PTPRK: variants seen among roughly 807,000 people sequenced by gnomAD.
PTPRK encodes protein tyrosine phosphatase receptor type K, also known as receptor-type tyrosine-protein phosphatase kappa.
Under a neutral mutation model 178.0 loss-of-function variants are expected in PTPRK, and 75 were observed. The observed-to-expected ratio is 0.42, with a 90% CI of 0.35 to 0.51. The LOEUF (loss-of-function observed/expected upper bound fraction) is 0.51, where lower values mean the gene tolerates loss of function less well. PTPRK is among the 20% of genes least tolerant of loss of function. The probability of loss-of-function intolerance (pLI) is 0.02; values close to 1 mark genes in which losing one functional copy is unlikely to be tolerated. For synonymous variants in PTPRK, 637 were observed against 620.6 expected (o/e 1.03, Z -0.39); for missense variants, 1,441 against 1,797.8 (o/e 0.80, Z 3.59).
intron 3 of PTPRK, among the ~76,000 whole-genome samples, chr6:128,288,110 T>C (rs576188202): frequency 2.0e-5 from 3 of 152,320 alleles, no homozygotes; most frequent in Admixed American, 6.5e-5. Flanking sequence ...TTCAGATTTC[T>C]GGCTCTGTGA....
At chr6:128,404,384 G>A (rs1377224768) in intron 1 of PTPRK, among the ~76,000 whole-genome samples, 2 of 152,202 alleles carry the variant, frequency 1.3e-5, no homozygotes, top group African/African-American at 4.8e-5. Flanking sequence ...GCATATACAT[G>A]CATACATGCG....
chr6:128,135,243 T>C (rs1258558091), intron 7 of PTPRK, among the ~76,000 whole-genome samples: 1 of 152,128 alleles, frequency 6.6e-6, no homozygotes, highest in Non-Finnish European at 1.5e-5. Context: ...AAAAAATATG[T>C]GGGGTTTCCT....
At chr6:128,224,871 A>T (rs899507029) in intron 5 of PTPRK, among the ~76,000 whole-genome samples, 1 of 152,200 alleles carries the variant, frequency 6.6e-6, no homozygotes, top group African/African-American at 2.4e-5. Flanking sequence ...ATGCTGATGC[A>T]CTCAGGATGG....
At position 128,320,283 on chromosome 6, in the gene PTPRK, A is replaced by T. The variant is rs565554640; in HGVS notation, c.495+1756T>A. 2.0e-5 allele frequency among the ~76,000 whole-genome samples: 3 copies of T among 152,310 alleles called. No homozygotes were observed. The East Asian group carries it at 5.8e-4, about 29-fold the overall frequency. On this transcript the variant is annotated intron_variant, in intron 3 of 29. Coordinates refer to ENST00000368226, the MANE Select transcript of PTPRK (RefSeq NM_002844.4). ...AATTAACACCACAGTAATCTGTGCC[A>T]TGAGAAAATGTTATTAACATCAATG...
intron 1 of PTPRK, among the ~76,000 whole-genome samples, chr6:128,486,772 T>G (rs915898677): frequency 2.7e-4 from 39 of 145,320 alleles, no homozygotes; most frequent in African/African-American, 9.8e-4. Context: ...AGGCAGATCC[T>G]GTAGAAAGAA....
At chr6:128,127,077 G>T (rs114078260) in intron 7 of PTPRK, among the ~76,000 whole-genome samples, 1 of 151,872 alleles carries the variant, frequency 6.6e-6, no homozygotes, top group African/African-American at 2.4e-5. Flanking sequence ...TTGTGTCTTT[G>T]TTACAGAGCA....
At chr6:128,383,264 T>C (rs1331842270) in intron 2 of PTPRK, among the ~76,000 whole-genome samples, 1 of 152,142 alleles carries the variant, frequency 6.6e-6, no homozygotes, top group Non-Finnish European at 1.5e-5. Context: ...ATGAAAAATA[T>C]AATCTTCCAA....
intron 7 of PTPRK, among the ~76,000 whole-genome samples, chr6:128,144,984 C>T (rs1366019100): frequency 6.6e-6 from 1 of 152,060 alleles, no homozygotes; most frequent in Admixed American, 6.6e-5. Context: ...AAGGGCAATA[C>T]TGTGGTGACA....
chr6:128,291,048 A>T (rs1037420700), intron 3 of PTPRK, among the ~76,000 whole-genome samples: 14 of 152,122 alleles, frequency 9.2e-5, no homozygotes, highest in African/African-American at 3.4e-4. Context: ...GTTACATGGC[A>T]AGGAGGAATT....
Position 128,090,034 on chromosome 6 carries a change from C to T in PTPRK, c.1163-42G>A, listed in dbSNP as rs779749308. On this transcript the variant is annotated intron_variant, in intron 7 of 29. Coordinates refer to ENST00000368226, the MANE Select transcript of PTPRK (RefSeq NM_002844.4). ...AGTTGTAGACAGCTGTCTATTATATCATGAATAATCCTGGAAAAATAAAAC... is the reference window on the plus strand; with the variant it reads ...AGTTGTAGACAGCTGTCTATTATATTATGAATAATCCTGGAAAAATAAAAC... The T allele has an allele frequency of 7.2e-5, 104 of 1,450,486 alleles. No homozygotes were observed. The East Asian group carries it at 2.4e-3, about 33-fold the overall frequency. The allele number at this position is 1,450,486 out of a possible 1,614,324, so 89.9% of individuals were successfully genotyped here. A position where few individuals can be genotyped will look rare whatever the true frequency, so the allele number is the denominator to read the frequency against.
chr6:128,255,400 C>G (rs1309763526), intron 3 of PTPRK, among the ~76,000 whole-genome samples: 2 of 152,114 alleles, frequency 1.3e-5, no homozygotes, highest in African/African-American at 2.4e-5. Flanking sequence ...TTGGCAGTAT[C>G]TAGTCATAAG....
rs570207537 is a variant in PTPRK, at chr6:128,232,996, G to A, written c.693+7039C>T. 5.9e-5 allele frequency among the ~76,000 whole-genome samples: 9 copies of A among 152,278 alleles called. No individual in the cohort carries two copies. The South Asian group carries it at 1.9e-3, about 32-fold the overall frequency. On this transcript the variant is annotated intron_variant, in intron 5 of 29. Coordinates refer to ENST00000368226, the MANE Select transcript of PTPRK (RefSeq NM_002844.4). The stretch of plus-strand genomic sequence containing the variant: ...ACCTCCTCTCAAAATAGTTTCCAAA[G>A]AATTGCCTACTGTAAACTGCAGTTC...
intron 5 of PTPRK, chr6:128,238,281 C>T (rs9372886): frequency 0.055 from 19,675 of 360,616 alleles, 1,873 homozygotes; most frequent in East Asian, 0.3. Flanking sequence ...CTCATCTTTG[C>T]TACAAAAATG....
rs898020510 is a variant in PTPRK, at chr6:128,355,676, T to C, written c.224-33366A>G. On this transcript the variant is annotated intron_variant, in intron 2 of 29. Coordinates refer to ENST00000368226, the MANE Select transcript of PTPRK (RefSeq NM_002844.4). ...TGGGAGGACGGCGGAGGGATAGCTTTAGGAGATATACCTAATGTTAAATGA... is the reference window on the plus strand; with the variant it reads ...TGGGAGGACGGCGGAGGGATAGCTTCAGGAGATATACCTAATGTTAAATGA... 2.6e-5 allele frequency among the ~76,000 whole-genome samples: 4 copies of C among 152,232 alleles called. No individual in the cohort carries two copies. The South Asian group carries it at 8.3e-4, about 32-fold the overall frequency.
At chr6:128,166,021 T>G (rs1562709232) in intron 7 of PTPRK, among the ~76,000 whole-genome samples, 1 of 151,680 alleles carries the variant, frequency 6.6e-6, no homozygotes, top group Non-Finnish European at 1.5e-5. Flanking sequence ...AAGGATAAAG[T>G]TACTATAATT....
At chr6:128,233,296 C>T (rs1812617567) in intron 5 of PTPRK, among the ~76,000 whole-genome samples, 2 of 152,154 alleles carry the variant, frequency 1.3e-5, no homozygotes, top group Non-Finnish European at 2.9e-5. Context: ...TTGTGCTTCC[C>T]AATTAACTCA....
intron 7 of PTPRK, among the ~76,000 whole-genome samples, chr6:128,119,289 A>T (rs536434067): frequency 6.6e-6 from 1 of 152,006 alleles, no homozygotes; most frequent in South Asian, 2.1e-4. Context: ...TTAAATTTAC[A>T]TTCCTTTGAT....
chr6:127,995,696 A>C (rs1016996827), intron 17 of PTPRK, among the ~76,000 whole-genome samples, 158 bp from the exon 18 acceptor site: 2 of 152,066 alleles, frequency 1.3e-5, no homozygotes, highest in African/African-American at 4.8e-5. Context: ...AATGTTAGTG[A>C]ACCTTGCTAT....
chr6:128,520,520 CAGGGGCGA>C lies in PTPRK; in HGVS notation c.-170_-163del. ...CTTCTTCGCGGTCGCCAAACTACCT[CAGGGGCGA>C]AAGCGTCGCCAGCGTCGCCGGCCGG... On this transcript the variant is annotated 5_prime_UTR_variant, in exon 1 of 30. It removes the in-frame stop codon of an upstream open reading frame in the 5' UTR. Transcript: ENST00000368226. 1 of 641,644 alleles carries C rather than the reference CAGGGGCGA, an allele frequency of 1.6e-6. No individual in the cohort carries two copies. 39.7% of individuals were successfully genotyped at this position (641,644 alleles called of 1,614,324 possible).
Sources: allele counts gnomAD v4.1 joint callset (sites outside exome capture counted in the v4.1 genomes callset), GRCh38; gene constraint gnomAD v4.1.1; transcripts MANE v1.5; gene names NCBI Gene and HGNC (gene_info 2026-07-23, HGNC 2026-07-21).